Variants in TLK2 observed in about 807,000 individuals in gnomAD.
TLK2 encodes tousled like kinase 2.
In TLK2, 6 loss-of-function variants were observed where a neutral mutation model predicts 117.3. The observed-to-expected ratio is 0.05, with a 90% CI of 0.03 to 0.10. The LOEUF (loss-of-function observed/expected upper bound fraction) is 0.10. TLK2 is among the 10% of genes least tolerant of loss of function. TLK2 has a pLI of 1.00. For missense variants in TLK2, 299 were observed against 901.2 expected, an observed-to-expected ratio of 0.33 and a Z score of 8.56; for synonymous variants, 257 against 316.7, an observed-to-expected ratio of 0.81 and a Z score of 2.00.
At chr17:62,521,370 G>GT in intron 3 of TLK2, among the ~76,000 whole-genome samples, 1 of 152,222 alleles carries the variant, frequency 6.6e-6, no homozygotes, top group Admixed American at 6.5e-5. Context: ...TATTGTTCCT[G>GT]TTTAAATGGA....
intron 19 of TLK2, among the ~76,000 whole-genome samples, chr17:62,604,441 C>G (rs1197263797): frequency 6.6e-6 from 1 of 151,968 alleles, no homozygotes; most frequent in Non-Finnish European, 1.5e-5. Flanking sequence ...AGTTTAGTAT[C>G]ATAGAGCTGT....
intron 2 of TLK2, among the ~76,000 whole-genome samples, chr17:62,483,734 C>G (rs2071983394): frequency 6.6e-6 from 1 of 152,170 alleles, no homozygotes; most frequent in East Asian, 1.9e-4. Context: ...AACTCCTGAC[C>G]TCAAATGATC....
At chr17:62,612,330 A>AG in intron 21 of TLK2, 62 bp from the exon 22 acceptor site, 1 of 1,552,646 alleles carries the variant, frequency 6.4e-7, no homozygotes, top group Non-Finnish European at 8.7e-7. Context: ...AGAGAGCCTT[A>AG]GGGTTCCCTC....
At chr17:62,604,404 A>G (rs2083104728) in intron 19 of TLK2, among the ~76,000 whole-genome samples, 1 of 81,102 alleles carries the variant, frequency 1.2e-5, no homozygotes, top group Non-Finnish European at 2.6e-5. Flanking sequence ...GCAACTATAT[A>G]CATATATATA....
intron 16 of TLK2, among the ~76,000 whole-genome samples, chr17:62,589,732 A>G (rs1285344904): frequency 6.6e-6 from 1 of 152,190 alleles, no homozygotes; most frequent in Admixed American, 6.5e-5. Context: ...AGAGCGCTAT[A>G]CATTTATAGC....
At chr17:62,538,571 A>T (rs963733200) in intron 7 of TLK2, among the ~76,000 whole-genome samples, 54 of 152,332 alleles carry the variant, frequency 3.5e-4, no homozygotes, top group African/African-American at 1.1e-3. Flanking sequence ...TGTAAAAAGT[A>T]TGGTATGTAG....
intron 11 of TLK2, among the ~76,000 whole-genome samples, chr17:62,566,057 G>T (rs1471459086): frequency 1.3e-5 from 2 of 152,156 alleles, no homozygotes; most frequent in African/African-American, 4.8e-5. Context: ...AAACATTCAG[G>T]TATTTATTCC....
chr17:62,604,340 A>G (rs550607429), intron 19 of TLK2, among the ~76,000 whole-genome samples: 5 of 152,042 alleles, frequency 3.3e-5, no homozygotes, highest in East Asian at 1.9e-4. Context: ...CCCATAGACT[A>G]TGCCTTGAGA....
chr17:62,609,044 T>C (rs2083527033), intron 21 of TLK2, among the ~76,000 whole-genome samples: 1 of 152,200 alleles, frequency 6.6e-6, no homozygotes, highest in Non-Finnish European at 1.5e-5. Flanking sequence ...GCTGTGGTCA[T>C]TTAGCATTTT....
At chr17:62,590,072 G>T (rs1334006176) in intron 16 of TLK2, among the ~76,000 whole-genome samples, 1 of 149,936 alleles carries the variant, frequency 6.7e-6, no homozygotes, top group African/African-American at 2.4e-5. Flanking sequence ...CTCCCAAAGT[G>T]CTGGGATTAC....
intron 2 of TLK2, among the ~76,000 whole-genome samples, chr17:62,504,764 G>A (rs2074519917): frequency 6.6e-6 from 1 of 152,106 alleles, no homozygotes; most frequent in East Asian, 1.9e-4. Flanking sequence ...AGCTGTGATG[G>A]CACCACTGCA....
At chr17:62,600,617 T>C in intron 17 of TLK2, 34 bp from the exon 18 acceptor site, 1 of 1,560,486 alleles carries the variant, frequency 6.4e-7, no homozygotes, top group Non-Finnish European at 8.7e-7. Flanking sequence ...CTTGCTCTTA[T>C]TCCATGGTTA....
chr17:62,556,980 A>T (rs997264438), intron 9 of TLK2, among the ~76,000 whole-genome samples: 1 of 152,224 alleles, frequency 6.6e-6, no homozygotes, highest in Non-Finnish European at 1.5e-5. Context: ...GGCTGGGTGC[A>T]GTGGCACCGT....
chr17:62,573,505 G>T (rs1399079603), intron 12 of TLK2, 138 bp downstream of exon 12: 2 of 1,179,208 alleles, frequency 1.7e-6, no homozygotes, highest in Non-Finnish European at 2.3e-6. Context: ...TAATGGATTT[G>T]CTCAACTCAT....
At chr17:62,498,452 C>T (rs1229173153) in intron 2 of TLK2, among the ~76,000 whole-genome samples, 2 of 150,246 alleles carry the variant, frequency 1.3e-5, no homozygotes, top group Middle Eastern at 3.2e-3. Context: ...TGCAGTGGCA[C>T]AGTCTCGGGT....
intron 2 of TLK2, among the ~76,000 whole-genome samples, chr17:62,520,520 T>C (rs950921954): frequency 2.0e-5 from 3 of 151,220 alleles, no homozygotes; most frequent in African/African-American, 7.3e-5. Context: ...CTACTAAAAA[T>C]ACAAAAATCA....
At chr17:62,612,281 C>A in intron 21 of TLK2, 111 bp from the exon 22 acceptor site, 2 of 1,215,790 alleles carry the variant, frequency 1.6e-6, no homozygotes, top group Non-Finnish European at 2.3e-6. Context: ...TAAGCCCCTT[C>A]TCTTTAGTTG....
At chr17:62,568,142 T>C (rs2079952545) in intron 11 of TLK2, among the ~76,000 whole-genome samples, 1 of 152,104 alleles carries the variant, frequency 6.6e-6, no homozygotes, top group Non-Finnish European at 1.5e-5. Flanking sequence ...ATTAAAGTAA[T>C]GGGATTTGGC....
rs544900638 is a variant in TLK2 at position 62,505,407 on chromosome 17, A to ATTTTTTTTT, written c.82-15348_82-15340dup. Among the ~76,000 whole-genome samples, 13 of 53,768 alleles carry ATTTTTTTTT rather than the reference A, an allele frequency of 2.4e-4. 1 individual carries two copies. The highest frequency in any genetic ancestry group is 0.031 in the Middle Eastern group (1 of 32). The allele number at this position is 53,768 out of a possible 152,430, so 35.3% of individuals were successfully genotyped here. ...TACAGTCATGCACTACCATACCCAG[A>ATTTTTTTTT]TTTTTTTTTTTTTTTTTTTTTTTTT... On this transcript the variant is annotated intron_variant, in intron 2 of 21. Coordinates refer to ENST00000346027, the MANE Select transcript of TLK2 (RefSeq NM_006852.6).
Sources: allele counts gnomAD v4.1 joint callset (sites outside exome capture counted in the v4.1 genomes callset), GRCh38; gene constraint gnomAD v4.1.1; transcripts MANE v1.5; gene names NCBI Gene and HGNC (gene_info 2026-07-23, HGNC 2026-07-21).